C14orf180: variants seen among roughly 807,000 people sequenced by gnomAD.
C14orf180 encodes chromosome 14 open reading frame 180, also known as nutritionally-regulated adipose and cardiac enriched protein homolog.
In C14orf180, 13 loss-of-function variants were observed where a neutral mutation model predicts 13.9. The observed-to-expected ratio is 0.94, with a 90% confidence interval of 0.61 to 1.49. C14orf180 has a LOEUF of 1.49. C14orf180 is among the 40% of genes most tolerant of loss of function. The probability of loss-of-function intolerance (pLI) is 0.00; values close to 1 mark genes in which losing one functional copy is unlikely to be tolerated. For synonymous variants in C14orf180, 113 were observed against 106.3 expected (o/e 1.06, Z -0.39); for missense variants, 238 against 232.0 (o/e 1.03, Z -0.17).
intron 1 of C14orf180, 54 bp from the exon 2 acceptor site, chr14:104,586,361 C>G (rs1232379378): frequency 6.0e-6 from 7 of 1,173,968 alleles, no homozygotes; most frequent in Non-Finnish European, 8.0e-6. Flanking sequence ...TATTTTCATT[C>G]CTCTGAGTGC....
At position 104,588,578 on chromosome 14, in the gene C14orf180, T is replaced by A; in HGVS notation, c.278T>A (p.Val93Glu). 6.9e-7 allele frequency: 1 copy of A among 1,444,784 alleles called. No individual in the cohort carries two copies. Among genetic ancestry groups the A allele is most frequent in the South Asian group, 1.5e-5 (1 of 68,810 alleles). The allele number at this position is 1,444,784 out of a possible 1,614,324, so 89.5% of individuals were successfully genotyped here. A position where few individuals can be genotyped will look rare whatever the true frequency, so the allele number is the denominator to read the frequency against. Reference protein sequence around the residue: ...ADKNATATVRVPGRPRPHGGS... With the variant: ...ADKNATATVREPGRPRPHGGS... The stretch of plus-strand genomic sequence containing the variant: ...GACCCTGCCTGCCCTCTGGCCGCAG[T>A]GCCCGGCCGGCCCAGGCCACACGGC... The change falls in exon 5 of 5, where the codon GTG (valine) becomes GAG (glutamate). Residue 93 changes from valine (V) to glutamate (E), a missense_variant and splice_region_variant. Val to Glu is a moderately radical substitution (Grantham distance 121, BLOSUM62 -2). Transcript: ENST00000557649.
At chr14:104,581,792 G>T (rs1342784237) in intron 1 of C14orf180, among the ~76,000 whole-genome samples, 1 of 151,840 alleles carries the variant, frequency 6.6e-6, no homozygotes, top group Admixed American at 6.6e-5. Flanking sequence ...TGCCCTGGGG[G>T]AGGCTGCACC....
chr14:104,585,824 T>C (rs917814984), intron 1 of C14orf180, among the ~76,000 whole-genome samples: 4 of 151,306 alleles, frequency 2.6e-5, no homozygotes, highest in African/African-American at 9.7e-5. Context: ...GGGGGCGCGG[T>C]GCAGAGAGAG....
At chr14:104,584,401 C>G (rs750068971) in intron 1 of C14orf180, among the ~76,000 whole-genome samples, 2 of 152,178 alleles carry the variant, frequency 1.3e-5, no homozygotes, top group Non-Finnish European at 2.9e-5. Context: ...CCACCCCCAA[C>G]CCCACCCTGG....
rs202177288 is a variant in C14orf180, at chr14:104,587,783, A to G, written c.146A>G (p.Lys49Arg). Residue 49 changes from lysine (K) to arginine (R), a missense_variant, in exon 3 of 5, where the codon AAA becomes AGA. By Grantham distance (26) the Lys-to-Arg change is conservative. Transcript: ENST00000557649. ...AGGAAGTGCCCCCCCTCCATCCTGA[A>G]ACGGAGCCGGCCGGAGCACCACCGC... ...DNRKCPPSIL[K>R]RSRPEHHRPE... 1 of 1,612,750 alleles carries G rather than the reference A, an allele frequency of 6.2e-7. No homozygotes were observed. Among genetic ancestry groups the G allele is most frequent in the Admixed American group, 1.7e-5 (1 of 59,930 alleles).
chr14:104,590,235 G>GCCCAGC lies in C14orf180; in HGVS notation c.*1455_*1460dup, dbSNP rs1434486893. 1 of 152,124 alleles carries GCCCAGC rather than the reference G, an allele frequency of 6.6e-6. No homozygotes were observed. The highest frequency in any genetic ancestry group is 1.5e-5 in the Non-Finnish European group (1 of 68,016). 9.4% of individuals were successfully genotyped at this position (152,124 alleles called of 1,614,324 possible). A position where few individuals can be genotyped will look rare whatever the true frequency, so the allele number is the denominator to read the frequency against. On this transcript the variant is annotated 3_prime_UTR_variant, in exon 5 of 5. Transcript: ENST00000557649. Reference sequence around the variant, plus strand: ...GGGACCCTCCAGCATCTCTCCCCAGGCCCAGCCCATCCCACCCCACCCCAG... The same window carrying GCCCAGC: ...GGGACCCTCCAGCATCTCTCCCCAGGCCCAGCCCCAGCCCATCCCACCCCACCCCAG...
Position 104,587,772 on chromosome 14 carries a change from C to T in C14orf180, c.135C>T (p.Pro45=), listed in dbSNP as rs1886679376. The T allele has an allele frequency of 3.7e-6, 6 of 1,612,806 alleles. No individual in the cohort carries two copies. Among genetic ancestry groups the T allele is most frequent in the Non-Finnish European group, 5.1e-6 (6 of 1,179,638 alleles). Residue 45 remains proline (P), a synonymous_variant, in exon 3 of 5, where the codon CCC becomes CCT. Coordinates refer to ENST00000557649, the MANE Select transcript of C14orf180 (RefSeq NM_001008404.3). ...AEREDNRKCP[P]SILKRSRPEH... ...AGGAGGACAACAGGAAGTGCCCCCCCTCCATCCTGAAACGGAGCCGGCCGG... is the reference window on the plus strand; with the variant it reads ...AGGAGGACAACAGGAAGTGCCCCCCTTCCATCCTGAAACGGAGCCGGCCGG...
chr14:104,589,016 G>A lies in C14orf180; in HGVS notation c.*233G>A. Reference sequence around the variant, plus strand: ...CACAGCCCTCCTGTCTCCTGTGTTGGGTCCATGTGAGATTTTATTAGAAAG... The same window carrying A: ...CACAGCCCTCCTGTCTCCTGTGTTGAGTCCATGTGAGATTTTATTAGAAAG... On this transcript the variant is annotated 3_prime_UTR_variant, in exon 5 of 5. Transcript: ENST00000557649. This position sits in a 1 kb window ranked among gnomAD's most constrained non-coding sequence, Gnocchi z 4.9. 1 of 846,478 alleles carries A rather than the reference G, an allele frequency of 1.2e-6. No homozygotes were observed. The allele number at this position is 846,478 out of a possible 1,614,324, so 52.4% of individuals were successfully genotyped here.
chr14:104,580,542 GCCTTGGTGGGGGGCAT>G (rs1381196258), intron 1 of C14orf180, among the ~76,000 whole-genome samples: 1 of 152,170 alleles, frequency 6.6e-6, no homozygotes, highest in Non-Finnish European at 1.5e-5. Flanking sequence ...TCCCTGAAGG[GCCTTGGTGGGGGGCAT>G]CCTCCGAGGG....
intron 1 of C14orf180, among the ~76,000 whole-genome samples, chr14:104,583,985 ACT>A (rs1886526181): frequency 6.6e-6 from 1 of 151,806 alleles, no homozygotes; most frequent in Non-Finnish European, 1.5e-5. Context: ...ACACGTGCCC[ACT>A]CTCACACTTG....
Position 104,589,566 on chromosome 14 carries a change from G to A in C14orf180, c.*783G>A, listed in dbSNP as rs1272192571. 6.6e-6 allele frequency: 1 copy of A among 152,668 alleles called. No individual in the cohort carries two copies. Among genetic ancestry groups the A allele is most frequent in the African/African-American group, 2.4e-5 (1 of 41,440 alleles). The allele number at this position is 152,668 out of a possible 1,614,324, so 9.5% of individuals were successfully genotyped here. On this transcript the variant is annotated 3_prime_UTR_variant, in exon 5 of 5. Transcript: ENST00000557649. The surrounding 1 kb of genome is among the most constrained non-coding windows in gnomAD (Gnocchi z 4.9). ...GGTCCCGGAGACCGTCTGTGGTTGTGGCTTTGTCGCCGGATTGCAGAGCTG... is the reference window on the plus strand; with the variant it reads ...GGTCCCGGAGACCGTCTGTGGTTGTAGCTTTGTCGCCGGATTGCAGAGCTG...
Position 104,587,761 on chromosome 14 carries a change from A to G in C14orf180, c.124A>G (p.Lys42Glu), listed in dbSNP as rs772776625. The G allele has an allele frequency of 1.4e-5, 22 of 1,612,606 alleles. 1 individual carries two copies. In the South Asian group the frequency reaches 2.1e-4, roughly 15 times the overall value. The change falls in exon 3 of 5, where the codon AAG becomes GAG. Residue 42 changes from lysine (K) to glutamate (E), a missense_variant. Lys to Glu is a moderately conservative substitution (Grantham distance 56). Transcript: ENST00000557649. ...GCCCCCACACCAGGAGGACAACAGGAAGTGCCCCCCCTCCATCCTGAAACG... is the reference window on the plus strand; with the variant it reads ...GCCCCCACACCAGGAGGACAACAGGGAGTGCCCCCCCTCCATCCTGAAACG... Reference protein sequence around the residue: ...VCRAEREDNRKCPPSILKRSR... With the variant: ...VCRAEREDNRECPPSILKRSR...
At chr14:104,581,210 G>T (rs1415492877) in intron 1 of C14orf180, 2 of 152,246 alleles carry the variant, frequency 1.3e-5, no homozygotes, top group Admixed American at 1.3e-4. Flanking sequence ...GCCTGGCTGT[G>T]TTCTGCCTCC....
chr14:104,581,800 A>G (rs554970020), intron 1 of C14orf180, among the ~76,000 whole-genome samples: 1 of 150,768 alleles, frequency 6.6e-6, no homozygotes, highest in Non-Finnish European at 1.5e-5. Context: ...GGGAGGCTGC[A>G]CCTGGAACAG....
intron 2 of C14orf180, 102 bp downstream of exon 2, chr14:104,586,643 G>T: frequency 3.6e-6 from 2 of 555,640 alleles, no homozygotes; most frequent in Non-Finnish European, 5.9e-6. Context: ...CTCCACCCCA[G>T]GAATCAGGGG....
At chr14:104,585,252 A>G (rs1462717032) in intron 1 of C14orf180, among the ~76,000 whole-genome samples, 1 of 152,186 alleles carries the variant, frequency 6.6e-6, no homozygotes, top group Non-Finnish European at 1.5e-5. Flanking sequence ...TCCAGCTGGG[A>G]GCAGGGCAGG....
rs1421574111 is a variant in C14orf180, at chr14:104,579,993, G to A, written c.-27G>A. 2 of 152,412 alleles carry A rather than the reference G, an allele frequency of 1.3e-5. No individual in the cohort carries two copies. The highest frequency in any genetic ancestry group is 2.9e-5 in the Non-Finnish European group (2 of 68,170). The allele number at this position is 152,412 out of a possible 1,614,324, so 9.4% of individuals were successfully genotyped here. A position where few individuals can be genotyped will look rare whatever the true frequency, so the allele number is the denominator to read the frequency against. ...CTGTTTCTGTCCCTCGGGGAGCCAG[G>A]AGGGAACCAGGTGAGTTCCAGCCCC... On this transcript the variant is annotated 5_prime_UTR_variant, in exon 1 of 5. Transcript: ENST00000557649.
Position 104,588,966 on chromosome 14 carries a change from C to A in C14orf180, c.*183C>A, listed in dbSNP as rs913766568. The stretch of plus-strand genomic sequence containing the variant: ...GTGAGATCGGACATGGGGGGCACAG[C>A]AGGCGGCCCCGCCACACTAGTCAGC... On this transcript the variant is annotated 3_prime_UTR_variant, in exon 5 of 5. Transcript: ENST00000557649. 8.2e-5 allele frequency: 108 copies of A among 1,323,566 alleles called. 1 individual carries two copies. The Admixed American group carries it at 3.0e-3, about 37-fold the overall frequency. The allele number at this position is 1,323,566 out of a possible 1,614,324, so 82.0% of individuals were successfully genotyped here.
intron 1 of C14orf180, among the ~76,000 whole-genome samples, chr14:104,584,856 G>A (rs1886563961): frequency 6.6e-6 from 1 of 152,250 alleles, no homozygotes. Flanking sequence ...AGGGCACTCT[G>A]CTTGTCTGCA....
Sources: allele counts gnomAD v4.1 joint callset (sites outside exome capture counted in the v4.1 genomes callset), GRCh38; gene constraint gnomAD v4.1.1; non-coding constraint Gnocchi (gnomAD v3.1); transcripts MANE v1.5; gene names NCBI Gene and HGNC (gene_info 2026-07-23, HGNC 2026-07-21).